Variants in MELK observed in about 807,000 individuals in gnomAD.
MELK encodes the protein pEg3 kinase.
A neutral mutation model predicts 85.0 loss-of-function variants in MELK; 81 were observed. The ratio of observed to expected loss-of-function variants is 0.95; its 90% CI spans 0.80 to 1.15. The LOEUF (loss-of-function observed/expected upper bound fraction) is 1.15. Among genes scored for constraint, MELK ranks in the 50% most tolerant of loss-of-function variants. The pLI is 0.00. For missense variants in MELK, 754 were observed against 777.5 expected (o/e 0.97, Z 0.36); for synonymous variants, 252 against 265.0 (o/e 0.95, Z 0.48).
intron 10 of MELK, among the ~76,000 whole-genome samples, chr9:36,636,540 A>G (rs1355301558): frequency 6.6e-6 from 1 of 152,102 alleles, no homozygotes; most frequent in African/African-American, 2.4e-5. Context: ...GTAATAATTT[A>G]CAGTTCTGTG....
intron 4 of MELK, 101 bp downstream of exon 4, chr9:36,589,753 G>A (rs1587347453): frequency 8.5e-6 from 7 of 819,940 alleles, no homozygotes; most frequent in Admixed American, 6.7e-5. Context: ...GATGTTAAGC[G>A]ACTTACCTGT....
intron 8 of MELK, among the ~76,000 whole-genome samples, chr9:36,609,351 CAT>C (rs1161945414): frequency 6.6e-6 from 1 of 151,434 alleles, no homozygotes; most frequent in East Asian, 1.9e-4. Flanking sequence ...CAAAAGAAGA[CAT>C]GTAAAGAGGA....
At chr9:36,619,202 A>G (rs896198815) in intron 8 of MELK, among the ~76,000 whole-genome samples, 18 of 151,958 alleles carry the variant, frequency 1.2e-4, no homozygotes, top group African/African-American at 4.4e-4. Context: ...CAAATGATTC[A>G]CCTGCCTCAG....
chr9:36,581,810 G>A, intron 2 of MELK, 71 bp downstream of exon 2: 1 of 1,306,842 alleles, frequency 7.7e-7, no homozygotes, highest in Middle Eastern at 1.9e-4. Context: ...TTGGGTAGGT[G>A]TGAGCTTTTT....
At chr9:36,650,494 C>T (rs1280670958) in intron 11 of MELK, among the ~76,000 whole-genome samples, 2 of 152,134 alleles carry the variant, frequency 1.3e-5, no homozygotes, top group Non-Finnish European at 2.9e-5. Flanking sequence ...ATAGGTTTTT[C>T]AGTAGCTGTA....
At chr9:36,667,016 G>A (rs966621059) in intron 14 of MELK, among the ~76,000 whole-genome samples, 8 of 151,958 alleles carry the variant, frequency 5.3e-5, no homozygotes, top group Admixed American at 5.2e-4. Context: ...CTTTCCCAAT[G>A]AAAGGGTCTC....
chr9:36,675,580 T>C (rs1833273777), intron 17 of MELK, among the ~76,000 whole-genome samples: 2 of 152,184 alleles, frequency 1.3e-5, no homozygotes, highest in Admixed American at 6.5e-5. Flanking sequence ...TTCAAATGAA[T>C]CAGGGATTTA....
At chr9:36,638,595 C>G (rs996215579) in intron 10 of MELK, among the ~76,000 whole-genome samples, 3 of 152,014 alleles carry the variant, frequency 2.0e-5, no homozygotes, top group Admixed American at 6.6e-5. Flanking sequence ...TCCCTTACAT[C>G]TTAATTTAAT....
At chr9:36,650,624 G>T (rs1237510018) in intron 11 of MELK, among the ~76,000 whole-genome samples, 1 of 152,192 alleles carries the variant, frequency 6.6e-6, no homozygotes, top group South Asian at 2.1e-4. Flanking sequence ...TATCAGACAT[G>T]CAAGATCTCA....
At chr9:36,580,989 A>C (rs980147774) in intron 1 of MELK, among the ~76,000 whole-genome samples, 3 of 152,150 alleles carry the variant, frequency 2.0e-5, no homozygotes, top group Non-Finnish European at 2.9e-5. Context: ...TGGCCTCCCA[A>C]AGTGCTGGGA....
chr9:36,665,510 C>T lies in MELK; in HGVS notation c.1337C>T (p.Thr446Ile). 6.2e-7 allele frequency: 1 copy of T among 1,613,848 alleles called. No individual in the cohort carries two copies. The highest frequency in any genetic ancestry group is 8.5e-7 in the Non-Finnish European group (1 of 1,179,872). The change falls in exon 14 of 18, where the codon ACT becomes ATT. Residue 446 changes from threonine to isoleucine, a missense_variant. By Grantham distance (89) the Thr-to-Ile change is moderately conservative. Transcript: ENST00000298048. ...EEYFMFPEPKTPVNKNQHKRE... is the reference protein window; with the variant it reads ...EEYFMFPEPKIPVNKNQHKRE... The stretch of plus-strand genomic sequence containing the variant: ...TACTTTATGTTTCCTGAGCCAAAGA[C>T]TCCAGTTAATAAGAACCAGCATAAG...
intron 8 of MELK, among the ~76,000 whole-genome samples, chr9:36,624,834 T>C (rs942072147): frequency 2.6e-5 from 4 of 152,188 alleles, no homozygotes; most frequent in African/African-American, 4.8e-5. Context: ...ATAATGTCTT[T>C]TTTATTATGA....
chr9:36,611,416 G>C (rs1161090249), intron 8 of MELK, among the ~76,000 whole-genome samples: 1 of 152,118 alleles, frequency 6.6e-6, no homozygotes, highest in East Asian at 1.9e-4. Flanking sequence ...CTCCTGCCTT[G>C]GCTATGTCCA....
chr9:36,614,843 A>G (rs1264488081), intron 8 of MELK, among the ~76,000 whole-genome samples: 4 of 147,032 alleles, frequency 2.7e-5, no homozygotes, highest in Non-Finnish European at 4.5e-5. Context: ...TCTACTTTCT[A>G]CACAGACACA....
chr9:36,643,299 CT>C (rs1471821792), intron 11 of MELK, among the ~76,000 whole-genome samples: 6 of 152,116 alleles, frequency 3.9e-5, no homozygotes, highest in African/African-American at 1.4e-4. Flanking sequence ...ACGAGAATCA[CT>C]TGAACCCGGG....
At chr9:36,622,972 C>T (rs948453717) in intron 8 of MELK, among the ~76,000 whole-genome samples, 2 of 152,158 alleles carry the variant, frequency 1.3e-5, no homozygotes, top group African/African-American at 4.8e-5. Context: ...AACACAAATT[C>T]TTTAAAGAAT....
rs769963888 is a variant in MELK at position 36,651,929 on chromosome 9, T to G, written c.1053+52T>G. 3.2e-5 allele frequency: 50 copies of G among 1,539,102 alleles called. No homozygotes were observed. In the East Asian group the frequency reaches 1.1e-3, roughly 35 times the overall value. ...GCCACGTGCCCTCCCTGTTCCTGAG[T>G]GTGTATACCACTGGGAAGGTAAACT... On this transcript the variant is annotated intron_variant, in intron 12 of 17. Coordinates refer to ENST00000298048, the MANE Select transcript of MELK (RefSeq NM_014791.4).
chr9:36,615,066 G>T (rs1343809089), intron 8 of MELK, among the ~76,000 whole-genome samples: 2 of 142,588 alleles, frequency 1.4e-5, no homozygotes, highest in African/African-American at 5.6e-5. Flanking sequence ...CGGGCGGGGG[G>T]GCTGACCCCC....
intron 14 of MELK, among the ~76,000 whole-genome samples, chr9:36,666,411 C>T (rs1316237208): frequency 2.0e-5 from 3 of 152,134 alleles, no homozygotes; most frequent in African/African-American, 7.2e-5. Flanking sequence ...GTACATAGTA[C>T]ACAGTACTAG....
Sources: allele counts gnomAD v4.1 joint callset (sites outside exome capture counted in the v4.1 genomes callset), GRCh38; gene constraint gnomAD v4.1.1; transcripts MANE v1.5; gene names NCBI Gene and HGNC (gene_info 2026-07-23, HGNC 2026-07-21).